The following LOC128462377 variants were observed in gnomAD, a reference collection of about 807,000 sequenced individuals.
chr16:89,339,099 T>G, the LOC128462377 span, among the ~76,000 whole-genome samples: 1 of 152,146 alleles, frequency 6.6e-6, no homozygotes, highest in Admixed American at 6.5e-5. Flanking sequence ...TGGGTGAGCG[T>G]TGCACCCCCA....
chr16:89,338,205 T>C, the LOC128462377 span, among the ~76,000 whole-genome samples: 1 of 151,358 alleles, frequency 6.6e-6, no homozygotes, highest in Non-Finnish European at 1.5e-5. Context: ...TGCCGGGGGG[T>C]GGGACCTCTG....
chr16:89,406,134 C>T, the LOC128462377 span, among the ~76,000 whole-genome samples: 42 of 149,364 alleles, frequency 2.8e-4, no homozygotes, highest in African/African-American at 9.7e-4. Context: ...AAAAAACCTT[C>T]AGCCAGAAAA....
At chr16:89,340,607 T>C in the LOC128462377 span, among the ~76,000 whole-genome samples, 1 of 152,214 alleles carries the variant, frequency 6.6e-6, no homozygotes, top group Non-Finnish European at 1.5e-5. Context: ...AGATCTTGGT[T>C]AGACAAGGGG....
the LOC128462377 span, among the ~76,000 whole-genome samples, chr16:89,381,321 G>C: frequency 4.9e-5 from 6 of 122,060 alleles, no homozygotes. Context: ...TACAGAGCGA[G>C]ACTCTGCTGC....
chr16:89,346,871 A>G, the LOC128462377 span, among the ~76,000 whole-genome samples: 6 of 152,284 alleles, frequency 3.9e-5, no homozygotes, highest in Admixed American at 6.5e-5. Context: ...AAAAGCAAAC[A>G]TGTAACAGAG....
At chr16:89,396,455 G>C in the LOC128462377 span, among the ~76,000 whole-genome samples, 1 of 152,108 alleles carries the variant, frequency 6.6e-6, no homozygotes, top group African/African-American at 2.4e-5. Flanking sequence ...ACACCTGCTG[G>C]GTTTTGGTGT....
the LOC128462377 span, among the ~76,000 whole-genome samples, chr16:89,414,513 A>C: frequency 1.3e-5 from 2 of 152,230 alleles, no homozygotes; most frequent in Non-Finnish European, 2.9e-5. Flanking sequence ...AACAATTTAC[A>C]AACTAAAATT....
chr16:89,323,498 AGAGCCCAGGGCAGGGGGGCT>A, the LOC128462377 span, among the ~76,000 whole-genome samples: 5 of 18,486 alleles, frequency 2.7e-4, no homozygotes, highest in African/African-American at 1.4e-3. Flanking sequence ...GCAGGGGGGC[AGAGCCCAGGGCAGGGGGGCT>A]GAGCCGAGGG....
the LOC128462377 span, among the ~76,000 whole-genome samples, chr16:89,372,429 C>T: frequency 6.6e-6 from 1 of 151,906 alleles, no homozygotes; most frequent in Non-Finnish European, 1.5e-5. Flanking sequence ...CAGTGGCAGG[C>T]GGAGTGAGAG....
chr16:89,341,669 G>A, the LOC128462377 span, among the ~76,000 whole-genome samples: 9 of 152,192 alleles, frequency 5.9e-5, no homozygotes, highest in African/African-American at 7.2e-5. Flanking sequence ...GTATGCAAAC[G>A]TGGCTTTAAT....
the LOC128462377 span, among the ~76,000 whole-genome samples, chr16:89,413,503 T>C: frequency 2.0e-5 from 3 of 152,146 alleles, no homozygotes; most frequent in Non-Finnish European, 2.9e-5. Context: ...CGGGCACCTA[T>C]AGTCCCAGCT....
the LOC128462377 span, among the ~76,000 whole-genome samples, chr16:89,357,621 C>G: frequency 2.0e-5 from 3 of 152,174 alleles, no homozygotes; most frequent in Non-Finnish European, 4.4e-5. Context: ...CCGAGTGTCC[C>G]CTGGCGGATG....
At chr16:89,345,868 A>C in the LOC128462377 span, among the ~76,000 whole-genome samples, 9 of 152,324 alleles carry the variant, frequency 5.9e-5, no homozygotes, top group African/African-American at 1.9e-4. Context: ...AGCCACTATA[A>C]TATGGCAAAA....
At chr16:89,404,019 A>G in the LOC128462377 span, among the ~76,000 whole-genome samples, 1 of 152,354 alleles carries the variant, frequency 6.6e-6, no homozygotes, top group Admixed American at 6.5e-5. Context: ...CAAGAGACTC[A>G]GAACTATGGC....
chr16:89,354,832 A>T, the LOC128462377 span, among the ~76,000 whole-genome samples: 5 of 151,944 alleles, frequency 3.3e-5, no homozygotes, highest in Non-Finnish European at 5.9e-5. Context: ...GGTTGCAGTG[A>T]GCCGAGATCA....
the LOC128462377 span, among the ~76,000 whole-genome samples, chr16:89,373,682 G>A: frequency 5.3e-5 from 8 of 152,196 alleles, no homozygotes; most frequent in Admixed American, 5.2e-4. Context: ...TCTCGCTGAT[G>A]CATAAGGAAG....
chr16:89,398,560 A>T, the LOC128462377 span, among the ~76,000 whole-genome samples: 14 of 151,868 alleles, frequency 9.2e-5, no homozygotes, highest in East Asian at 3.9e-4. Flanking sequence ...CTTAAAAAAA[A>T]TTTTTTTTTA....
the LOC128462377 span, among the ~76,000 whole-genome samples, chr16:89,388,313 T>TTTTTTA: frequency 6.8e-6 from 1 of 147,484 alleles, no homozygotes. Context: ...TTTTTTTTTT[T>TTTTTTA]TTGAGACGGA....
At chr16:89,361,261 G>A in the LOC128462377 span, among the ~76,000 whole-genome samples, 2 of 152,222 alleles carry the variant, frequency 1.3e-5, no homozygotes, top group Non-Finnish European at 2.9e-5. Flanking sequence ...CCTGCCCCAA[G>A]CAGCAGGAAA....
Sources: gnomAD v4.1 joint callset for allele counts (sites outside exome capture counted in the v4.1 genomes callset) on GRCh38, gnomAD v4.1.1 for gene constraint, MANE v1.5 for transcripts.